The following SREBF2 variants were observed in gnomAD, a reference collection of about 807,000 sequenced individuals.
SREBF2 encodes sterol regulatory element-binding protein 2.
SREBF2 carries 55 observed loss-of-function variants against 113.1 expected under a neutral mutation model. The observed-to-expected ratio is 0.49, with a 90% CI of 0.39 to 0.61. SREBF2 has a LOEUF of 0.61. SREBF2 is among the 20% of genes least tolerant of loss of function. The probability of loss-of-function intolerance (pLI) is 0.00; values close to 1 mark genes in which losing one functional copy is unlikely to be tolerated. For missense variants in SREBF2, 1,349 were observed against 1,487.4 expected, an observed-to-expected ratio of 0.91 and a Z score of 1.53; for synonymous variants, 593 against 605.7, an observed-to-expected ratio of 0.98 and a Z score of 0.31.
At chr22:41,842,519 C>G (rs930215163) in intron 1 of SREBF2, among the ~76,000 whole-genome samples, 1 of 152,172 alleles carries the variant, frequency 6.6e-6, no homozygotes, top group Admixed American at 6.5e-5. Flanking sequence ...TGATGGACAT[C>G]TGAAGGTATT....
intron 1 of SREBF2, among the ~76,000 whole-genome samples, chr22:41,841,323 G>A (rs1316008633): frequency 2.6e-5 from 4 of 152,186 alleles, no homozygotes; most frequent in South Asian, 2.1e-4. Flanking sequence ...GTATATATGA[G>A]GGTTGCTAAC....
At chr22:41,876,244 G>C (rs1423515481) in intron 7 of SREBF2, among the ~76,000 whole-genome samples, 1 of 152,252 alleles carries the variant, frequency 6.6e-6, no homozygotes, top group Non-Finnish European at 1.5e-5. Context: ...TGAGCCTAAT[G>C]ATCTTCCTGG....
chr22:41,851,576 C>A lies in SREBF2; in HGVS notation c.89-15255C>A, dbSNP rs541500174. On this transcript the variant is annotated intron_variant, in intron 1 of 18. Transcript: ENST00000361204. Reference sequence around the variant, plus strand: ...TGGCGCGATCTCGCCTCACTGCAACCTCCACCTCCCGGGTTCAAGCGATTC... The same window carrying A: ...TGGCGCGATCTCGCCTCACTGCAACATCCACCTCCCGGGTTCAAGCGATTC... Among the ~76,000 whole-genome samples, 12 of 152,244 alleles carry A rather than the reference C, an allele frequency of 7.9e-5. No homozygotes were observed. The East Asian group carries it at 2.3e-3, about 30-fold the overall frequency.
At chr22:41,840,081 C>T (rs555929903) in intron 1 of SREBF2, among the ~76,000 whole-genome samples, 3 of 151,554 alleles carry the variant, frequency 2.0e-5, no homozygotes, top group African/African-American at 7.3e-5. Context: ...GCCTCAGCCT[C>T]CCAAGTAGCT....
chr22:41,885,306 AC>A (rs1056420253), intron 11 of SREBF2, among the ~76,000 whole-genome samples: 1 of 152,212 alleles, frequency 6.6e-6, no homozygotes, highest in African/African-American at 2.4e-5. Flanking sequence ...GAGCTACTGT[AC>A]TTGGGGGTTA....
chr22:41,879,994 T>TC (rs1357753216), intron 9 of SREBF2, among the ~76,000 whole-genome samples: 2 of 151,948 alleles, frequency 1.3e-5, no homozygotes. Flanking sequence ...GCCCAGGAGT[T>TC]CAAGACCAGC....
At position 41,906,390 on chromosome 22, in the gene SREBF2, C is replaced by G. The variant is rs2077509657; in HGVS notation, c.*730C>G. Reference sequence around the variant, plus strand: ...TATTTAATTGTCCTGTTCCTTCCCACTCCCCGCCTCCTAGGATGTTAGCCC... The same window carrying G: ...TATTTAATTGTCCTGTTCCTTCCCAGTCCCCGCCTCCTAGGATGTTAGCCC... On this transcript the variant is annotated 3_prime_UTR_variant, in exon 19 of 19. Coordinates refer to ENST00000361204, the MANE Select transcript of SREBF2 (RefSeq NM_004599.4). The G allele has an allele frequency of 5.5e-6, 1 of 181,116 alleles. No homozygotes were observed. The highest frequency in any genetic ancestry group is 1.1e-4 in the South Asian group (1 of 8,944). 11.2% of individuals were successfully genotyped at this position (181,116 alleles called of 1,614,324 possible).
At chr22:41,835,211 G>A (rs911047397) in intron 1 of SREBF2, among the ~76,000 whole-genome samples, 40 of 152,016 alleles carry the variant, frequency 2.6e-4, no homozygotes, top group African/African-American at 8.5e-4. Context: ...ACCCAGGCTG[G>A]AATGCAGTGG....
intron 1 of SREBF2, among the ~76,000 whole-genome samples, chr22:41,839,649 G>A (rs960717087): frequency 2.0e-5 from 3 of 152,174 alleles, no homozygotes; most frequent in African/African-American, 7.2e-5. Flanking sequence ...TGATGAGTTT[G>A]CCTGTTCTGG....
At chr22:41,890,409 C>T (rs1174767108) in intron 11 of SREBF2, among the ~76,000 whole-genome samples, 11 of 152,228 alleles carry the variant, frequency 7.2e-5, no homozygotes, top group Non-Finnish European at 5.9e-5. Context: ...CCAGTGGCTC[C>T]CTTGATCACT....
Position 41,833,277 on chromosome 22 carries a change from G to C in SREBF2, c.7G>C (p.Asp3His), listed in dbSNP as rs766267222. Residue 3 changes from aspartate to histidine, a missense_variant, in exon 1 of 19, where the codon GAC becomes CAC. Around this residue, in one of 2 missense-constraint regions of SREBF2, gnomAD observed 699 missense variants for 843.3 expected, o/e 0.83. Transcript: ENST00000361204. The surrounding 1 kb of genome is among the most constrained non-coding windows in gnomAD (Gnocchi z 4.1). MD[D>H]SGELGGLETM... ...TTCTGCGCTGAGCCGGGCGATGGACGACAGCGGCGAGCTGGGTGGTCTGGA... is the reference window on the plus strand; with the variant it reads ...TTCTGCGCTGAGCCGGGCGATGGACCACAGCGGCGAGCTGGGTGGTCTGGA... The C allele has an allele frequency of 3.4e-6, 5 of 1,472,894 alleles. No individual in the cohort carries two copies. Among genetic ancestry groups the C allele is most frequent in the Non-Finnish European group, 9.1e-7 (1 of 1,103,800 alleles). 91.2% of individuals were successfully genotyped at this position (1,472,894 alleles called of 1,614,324 possible). A position where few individuals can be genotyped will look rare whatever the true frequency, so the allele number is the denominator to read the frequency against.
chr22:41,855,494 C>A (rs1395648311), intron 1 of SREBF2, among the ~76,000 whole-genome samples: 1 of 152,054 alleles, frequency 6.6e-6, no homozygotes, highest in East Asian at 1.9e-4. Flanking sequence ...TGCACTCCAG[C>A]CTGGGTGACA....
intron 1 of SREBF2, 109 bp from the exon 2 acceptor site, chr22:41,866,722 G>A: frequency 1.5e-6 from 2 of 1,315,088 alleles, no homozygotes; most frequent in Non-Finnish European, 2.2e-6. Context: ...ACCCATTTCT[G>A]CCATGGTCTT....
chr22:41,896,382 C>T (rs546833420), intron 13 of SREBF2, among the ~76,000 whole-genome samples: 12 of 152,146 alleles, frequency 7.9e-5, no homozygotes, highest in African/African-American at 2.9e-4. Context: ...TTTTTTGAGA[C>T]AGTGTCTCAC....
intron 3 of SREBF2, among the ~76,000 whole-genome samples, chr22:41,869,343 C>T (rs2077117281): frequency 6.6e-6 from 1 of 151,228 alleles, no homozygotes; most frequent in Non-Finnish European, 1.5e-5. Flanking sequence ...ATCCACCCGC[C>T]TCGGCCTCCC....
In SREBF2 at chr22:41,877,992, G is replaced by A. The variant is rs1445759841; in HGVS notation, c.1630G>A (p.Val544Ile). 2 of 1,614,022 alleles carry A rather than the reference G, an allele frequency of 1.2e-6. No homozygotes were observed. Among genetic ancestry groups the A allele is most frequent in the African/African-American group, 1.3e-5 (1 of 74,890 alleles). The change falls in exon 9 of 19, where the codon GTA becomes ATA. Residue 544 changes from valine to isoleucine, a missense_variant. Physicochemically the swap from Val to Ile is conservative, Grantham distance 29. This residue lies in a region of SREBF2 where 699 missense variants were observed against 843.3 expected (regional missense o/e 0.83). Transcript: ENST00000361204. Reference sequence around the variant, plus strand: ...GATGCCTACTCTTCTCTTATGGCTGGTAAATGGTGTGATTGTCCTGAGCGT... The same window carrying A: ...GATGCCTACTCTTCTCTTATGGCTGATAAATGGTGTGATTGTCCTGAGCGT... ...WMMPTLLLWLVNGVIVLSVFV... is the reference protein window; with the variant it reads ...WMMPTLLLWLINGVIVLSVFV...
Position 41,866,944 on chromosome 22 carries a change from GGCAGCAGCA to G in SREBF2, c.215_223del (p.Ser72_Ser74del), listed in dbSNP as rs143615881. 52 of 1,613,242 alleles carry G rather than the reference GGCAGCAGCA, an allele frequency of 3.2e-5. No individual in the cohort carries two copies. The highest frequency in any genetic ancestry group is 1.9e-4 in the South Asian group (17 of 91,058). On this transcript the variant is annotated inframe_deletion, in exon 2 of 19. Transcript: ENST00000361204. Reference sequence around the variant, plus strand: ...TAGTGGTAGCAGCAGCGGCAGCAGTGGCAGCAGCAGCAGCAGCAGCAATGGCAGGGGCAG... The same window carrying G: ...TAGTGGTAGCAGCAGCGGCAGCAGTGGCAGCAGCAGCAATGGCAGGGGCAG...
Position 41,904,906 on chromosome 22 carries a change from GC to G in SREBF2, c.3141del (p.Thr1048ProfsTer81). The part of the protein sequence containing the change: ...EATVRLMAGA[S>X]PTRTHQLLEH... ...ACCGTGCGCCTGATGGCAGGAGCCA[GC>G]CCCACCCGCACCCACCAGCTGCTGG... On this transcript the variant is annotated frameshift_variant, in exon 18 of 19. Coordinates refer to ENST00000361204, the MANE Select transcript of SREBF2 (RefSeq NM_004599.4). LOFTEE classifies it high-confidence loss of function. 6.2e-7 allele frequency: 1 copy of G among 1,605,610 alleles called. No individual in the cohort carries two copies.
At chr22:41,886,800 A>G (rs2148403982) in intron 11 of SREBF2, among the ~76,000 whole-genome samples, 1 of 152,352 alleles carries the variant, frequency 6.6e-6, no homozygotes, top group South Asian at 2.1e-4. Context: ...TTGGGAGGCC[A>G]AGGCGAGCAG....
Sources: gnomAD v4.1 joint callset for allele counts (sites outside exome capture counted in the v4.1 genomes callset) on GRCh38, gnomAD v4.1.1 for gene constraint, gnomAD v4.1.1 regional missense constraint, Gnocchi (gnomAD v3.1) non-coding constraint, MANE v1.5 for transcripts, NCBI Gene and HGNC (gene_info 2026-07-23, HGNC 2026-07-21) for gene names.